BAZ1A: variants seen among roughly 807,000 people sequenced by gnomAD.
The protein encoded by BAZ1A is bromodomain adjacent to zinc finger domain protein 1A.
In BAZ1A, 50 loss-of-function variants were observed where a neutral mutation model predicts 185.2. The ratio of observed to expected loss-of-function variants is 0.27; its 90% CI spans 0.22 to 0.34. The LOEUF (loss-of-function observed/expected upper bound fraction) is 0.34. Ranked by LOEUF, BAZ1A falls within the 10% of genes least tolerant of loss-of-function variation. The pLI is 1.00. For missense variants in BAZ1A, 1,356 were observed against 1,839.9 expected (o/e 0.74, Z 4.81); for synonymous variants, 571 against 615.6 (o/e 0.93, Z 1.07).
intron 14 of BAZ1A, among the ~76,000 whole-genome samples, chr14:34,785,457 G>A (rs531055254): frequency 4.6e-5 from 7 of 152,220 alleles, no homozygotes; most frequent in Admixed American, 1.3e-4. Context: ...TTATTCAAGT[G>A]AATGGCAGGA....
intron 3 of BAZ1A, among the ~76,000 whole-genome samples, chr14:34,829,600 C>T (rs2042211718): frequency 1.3e-5 from 2 of 152,112 alleles, no homozygotes; most frequent in African/African-American, 4.8e-5. Context: ...CACTTCCCTA[C>T]CATTCCTACA....
At chr14:34,766,700 T>C (rs540245546) in intron 21 of BAZ1A, among the ~76,000 whole-genome samples, 80 of 152,254 alleles carry the variant, frequency 5.3e-4, no homozygotes, top group African/African-American at 1.9e-3. Context: ...GGCTAAGATT[T>C]TAAAGTAGTC....
chr14:34,817,485 G>A (rs1409756099), intron 4 of BAZ1A, among the ~76,000 whole-genome samples: 1 of 152,224 alleles, frequency 6.6e-6, no homozygotes, highest in Non-Finnish European at 1.5e-5. Flanking sequence ...CTACTCAGGA[G>A]GCTGAGGCAT....
In BAZ1A at chr14:34,765,189, G is replaced by T. The variant is rs1878753242; in HGVS notation, c.3381C>A (p.Ser1127=). The change falls in exon 22 of 27, where the codon TCC becomes TCA. Residue 1127 remains serine, a synonymous_variant. Coordinates refer to ENST00000360310, the MANE Select transcript of BAZ1A (RefSeq NM_013448.3). ...AGGTGGATAGGTGAAGAAAAACTTG[G>T]GATAGACTAGCAGAAGAAAGGAGAG... is the stretch of plus-strand genomic sequence containing the variant. ...RESLLSSASL[S]QVFLHLSTLD... 1.9e-6 allele frequency: 3 copies of T among 1,614,046 alleles called. No individual in the cohort carries two copies. Among genetic ancestry groups the T allele is most frequent in the Non-Finnish European group, 2.5e-6 (3 of 1,180,002 alleles).
chr14:34,799,888 G>T (rs1594853381), intron 9 of BAZ1A, among the ~76,000 whole-genome samples: 2 of 152,154 alleles, frequency 1.3e-5, no homozygotes, highest in East Asian at 1.9e-4. Flanking sequence ...GGGATTACAG[G>T]TGTGAGCCAC....
At chr14:34,840,412 A>T (rs1389479814) in intron 3 of BAZ1A, among the ~76,000 whole-genome samples, 2 of 152,172 alleles carry the variant, frequency 1.3e-5, no homozygotes, top group Non-Finnish European at 2.9e-5. Context: ...TAAAGTACAT[A>T]AAAACAACTG....
chr14:34,829,950 G>A (rs2042217315), intron 3 of BAZ1A, among the ~76,000 whole-genome samples: 1 of 152,096 alleles, frequency 6.6e-6, no homozygotes, highest in African/African-American at 2.4e-5. Flanking sequence ...CTGATTGTCT[G>A]ACTCTCAACT....
chr14:34,801,275 C>T (rs1183545982), intron 7 of BAZ1A, 82 bp from the exon 8 acceptor site: 19 of 906,814 alleles, frequency 2.1e-5, no homozygotes, highest in Non-Finnish European at 3.1e-5. Flanking sequence ...ACCAATTACA[C>T]TTTCTTTATA....
chr14:34,842,224 A>G (rs1401500513), intron 3 of BAZ1A, among the ~76,000 whole-genome samples: 1 of 152,206 alleles, frequency 6.6e-6, no homozygotes, highest in Non-Finnish European at 1.5e-5. Flanking sequence ...AAAAAAAGGC[A>G]CAAACAATTG....
At chr14:34,759,404 CGATCTCCTGACCTCGT>C (rs1315245069) in intron 24 of BAZ1A, among the ~76,000 whole-genome samples, 64 of 151,934 alleles carry the variant, frequency 4.2e-4, no homozygotes, top group East Asian at 2.9e-3. Context: ...AGGATGGTCT[CGATCTCCTGACCTCGT>C]GATCTCCTGA....
chr14:34,766,373 A>C (rs1878840600), intron 21 of BAZ1A, among the ~76,000 whole-genome samples: 1 of 152,178 alleles, frequency 6.6e-6, no homozygotes, highest in Non-Finnish European at 1.5e-5. Flanking sequence ...AAAGTGAAGA[A>C]ATACACAATG....
chr14:34,766,219 A>G lies in BAZ1A; in HGVS notation c.3302-951T>C, dbSNP rs143323934. On this transcript the variant is annotated intron_variant, in intron 21 of 26. Transcript: ENST00000360310. The stretch of plus-strand genomic sequence containing the variant: ...TTAAATGAGATAATACGCATAAGGC[A>G]TTGAAGTATCTGTCACAGTAAATGC... Among the ~76,000 whole-genome samples the G allele has an allele frequency of 6.6e-5, 10 of 152,346 alleles. No individual in the cohort carries two copies. The East Asian group carries it at 1.9e-3, about 29-fold the overall frequency.
chr14:34,870,858 AG>A (rs2042939037), intron 2 of BAZ1A, among the ~76,000 whole-genome samples: 1 of 152,234 alleles, frequency 6.6e-6, no homozygotes, highest in Non-Finnish European at 1.5e-5. Flanking sequence ...GGCTGTTGAA[AG>A]GACTGACTTA....
At chr14:34,863,186 T>TG (rs2042800505) in intron 2 of BAZ1A, among the ~76,000 whole-genome samples, 1 of 99,172 alleles carries the variant, frequency 1.0e-5, no homozygotes, top group Non-Finnish European at 2.0e-5. Flanking sequence ...TTTTTTGAGA[T>TG]GGAGTTTCAC....
intron 3 of BAZ1A, among the ~76,000 whole-genome samples, chr14:34,829,617 G>T (rs2042212011): frequency 6.6e-6 from 1 of 151,840 alleles, no homozygotes; most frequent in Admixed American, 6.6e-5. Context: ...TACAATTTTG[G>T]TCATCATATA....
chr14:34,873,588 G>A (rs1221692723), intron 2 of BAZ1A, among the ~76,000 whole-genome samples: 2 of 151,298 alleles, frequency 1.3e-5, no homozygotes, highest in Admixed American at 6.6e-5. Context: ...AGCGGCGCCT[G>A]GCTGAGTCTG....
At chr14:34,863,549 A>G (rs1594914175) in intron 2 of BAZ1A, among the ~76,000 whole-genome samples, 1 of 150,870 alleles carries the variant, frequency 6.6e-6, no homozygotes, top group South Asian at 2.1e-4. Flanking sequence ...CTTGTGATCC[A>G]CCTGCCTCGG....
At chr14:34,832,191 T>TATACACACACACACAC (rs1555343240) in intron 3 of BAZ1A, among the ~76,000 whole-genome samples, 6 of 96,560 alleles carry the variant, frequency 6.2e-5, no homozygotes, top group African/African-American at 1.1e-4. Flanking sequence ...TATATACATA[T>TATACACACACACACAC]ACACACACAC....
intron 15 of BAZ1A, 150 bp downstream of exon 15, chr14:34,783,612 C>T: frequency 9.8e-7 from 1 of 1,017,402 alleles, no homozygotes; most frequent in Non-Finnish European, 1.4e-6. Context: ...CAGGCGTGAG[C>T]CACCACACCT....
Sources: gnomAD v4.1 joint callset for allele counts (sites outside exome capture counted in the v4.1 genomes callset) on GRCh38, gnomAD v4.1.1 for gene constraint, MANE v1.5 for transcripts, NCBI Gene and HGNC (gene_info 2026-07-23, HGNC 2026-07-21) for gene names.